PLXNC1: variants seen among roughly 807,000 people sequenced by gnomAD.
PLXNC1 encodes plexin-C1.
A neutral mutation model predicts 178.2 loss-of-function variants in PLXNC1; 75 were observed. That is an observed-to-expected ratio of 0.42 (90% CI 0.35 to 0.51). PLXNC1 has a LOEUF of 0.51. PLXNC1 is among the 20% of genes least tolerant of loss of function. The pLI is 0.02. For missense variants in PLXNC1, 1,503 were observed against 1,984.4 expected, an observed-to-expected ratio of 0.76 and a Z score of 4.61; for synonymous variants, 790 against 779.9, an observed-to-expected ratio of 1.01 and a Z score of -0.22.
intron 2 of PLXNC1, among the ~76,000 whole-genome samples, chr12:94,170,282 C>A (rs1438003862): frequency 6.6e-6 from 1 of 152,148 alleles, no homozygotes; most frequent in Non-Finnish European, 1.5e-5. Context: ...CAGAAAAACG[C>A]TTTCCTCTTC....
intron 20 of PLXNC1, among the ~76,000 whole-genome samples, chr12:94,263,219 C>CG (rs1274813872): frequency 8.6e-5 from 13 of 151,784 alleles, no homozygotes; most frequent in African/African-American, 3.1e-4. Flanking sequence ...CCCCCGGCCC[C>CG]GGGAAGGTAA....
At chr12:94,181,779 A>C (rs927953388) in intron 3 of PLXNC1, among the ~76,000 whole-genome samples, 199 bp downstream of exon 3, 1 of 152,154 alleles carries the variant, frequency 6.6e-6, no homozygotes, top group African/African-American at 2.4e-5. Flanking sequence ...AATATTATCT[A>C]TTTAGACAAT....
Position 94,240,568 on chromosome 12 carries a change from T to G in PLXNC1, c.2204T>G (p.Ile735Ser). The change falls in exon 11 of 31, where the codon ATC becomes AGC. Residue 735 changes from isoleucine to serine, a missense_variant. By Grantham distance (142) the Ile-to-Ser change is moderately radical (BLOSUM62 -2). Coordinates refer to ENST00000258526, the MANE Select transcript of PLXNC1 (RefSeq NM_005761.3). ...SSRKEMKDVC[I>S]QFDGGNCSSV... ...CGGAAAGAAATGAAGGATGTGTGTA[T>G]CCAGTTTGATGGTGGGAACTGCTCT... 6.2e-7 allele frequency: 1 copy of G among 1,613,880 alleles called. No individual in the cohort carries two copies. Among genetic ancestry groups the G allele is most frequent in the Non-Finnish European group, 8.5e-7 (1 of 1,179,734 alleles).
intron 9 of PLXNC1, among the ~76,000 whole-genome samples, chr12:94,229,107 G>T (rs1964023348): frequency 1.3e-5 from 2 of 152,134 alleles, no homozygotes; most frequent in South Asian, 2.1e-4. Flanking sequence ...CCTAATATGG[G>T]TCAGGTGGTA....
At chr12:94,212,081 C>T (rs1337577950) in intron 5 of PLXNC1, among the ~76,000 whole-genome samples, 1 of 151,576 alleles carries the variant, frequency 6.6e-6, no homozygotes, top group Non-Finnish European at 1.5e-5. Flanking sequence ...GAGACCACCC[C>T]GGCTAAAACG....
At chr12:94,177,466 C>A (rs1161485151) in intron 2 of PLXNC1, among the ~76,000 whole-genome samples, 1 of 146,530 alleles carries the variant, frequency 6.8e-6, no homozygotes, top group African/African-American at 2.5e-5. Flanking sequence ...GGCCACAGAA[C>A]TTTTTGATAA....
chr12:94,253,084 G>A (rs1964741752), intron 15 of PLXNC1, among the ~76,000 whole-genome samples: 1 of 151,882 alleles, frequency 6.6e-6, no homozygotes, highest in Admixed American at 6.6e-5. Flanking sequence ...GGTGGCACGT[G>A]CCTGTAATCC....
intron 4 of PLXNC1, among the ~76,000 whole-genome samples, chr12:94,196,334 C>T (rs2627748): frequency 6.6e-6 from 1 of 152,040 alleles, no homozygotes; most frequent in Non-Finnish European, 1.5e-5. Flanking sequence ...CAATAGTGAG[C>T]GAGTTCTCAC....
chr12:94,198,293 A>G (rs1962993308), intron 4 of PLXNC1, among the ~76,000 whole-genome samples: 1 of 152,142 alleles, frequency 6.6e-6, no homozygotes, highest in Admixed American at 6.5e-5. Flanking sequence ...CAGAAAACCA[A>G]ATACCGCATG....
intron 2 of PLXNC1, among the ~76,000 whole-genome samples, chr12:94,170,190 C>T (rs1186809806): frequency 5.9e-5 from 9 of 152,180 alleles, no homozygotes; most frequent in Non-Finnish European, 8.8e-5. Flanking sequence ...ACAGATAACT[C>T]GCTGTGTGAC....
intron 5 of PLXNC1, among the ~76,000 whole-genome samples, chr12:94,219,287 G>T (rs941313778): frequency 6.6e-6 from 1 of 152,148 alleles, no homozygotes; most frequent in African/African-American, 2.4e-5. Flanking sequence ...CAGATAAATG[G>T]AAATTTAATA....
intron 23 of PLXNC1, among the ~76,000 whole-genome samples, chr12:94,291,742 A>C (rs994975693): frequency 6.6e-6 from 1 of 152,092 alleles, no homozygotes; most frequent in Non-Finnish European, 1.5e-5. Flanking sequence ...TGTCTATATA[A>C]ATTTGCCCAT....
intron 2 of PLXNC1, among the ~76,000 whole-genome samples, chr12:94,177,087 A>G (rs202228919): frequency 5.5e-4 from 76 of 137,914 alleles, no homozygotes; most frequent in African/African-American, 1.8e-3. Flanking sequence ...GTATATATAT[A>G]TGTGTATATA....
chr12:94,152,370 T>A (rs919474427), intron 1 of PLXNC1, among the ~76,000 whole-genome samples: 1 of 152,248 alleles, frequency 6.6e-6, no homozygotes, highest in Non-Finnish European at 1.5e-5. Context: ...GTTTGATGCC[T>A]GCTAGTGTAA....
chr12:94,303,820 C>T lies in PLXNC1; in HGVS notation c.4451C>T (p.Ser1484Phe), dbSNP rs780192296. 1.4e-5 allele frequency: 21 copies of T among 1,489,500 alleles called. No homozygotes were observed. The highest frequency in any genetic ancestry group is 1.9e-5 in the Non-Finnish European group (21 of 1,104,144). 92.3% of individuals were successfully genotyped at this position (1,489,500 alleles called of 1,614,324 possible). ...CCAACCTACAAAGAAGAAGTAAAAT[C>T]TTATTACAAAGCAATCAGGGATTTG... ...DIPTYKEEVK[S>F]YYKAIRDLPP... Residue 1484 changes from serine to phenylalanine, a missense_variant, in exon 29 of 31, where the codon TCT (serine) becomes TTT (phenylalanine). Coordinates refer to ENST00000258526, the MANE Select transcript of PLXNC1 (RefSeq NM_005761.3).
At chr12:94,182,896 T>TATCTATCTATC (rs1962374772) in intron 3 of PLXNC1, among the ~76,000 whole-genome samples, 1 of 151,812 alleles carries the variant, frequency 6.6e-6, no homozygotes, top group East Asian at 1.9e-4. Context: ...TCTATCTATC[T>TATCTATCTATC]ATCTATCTAT....
chr12:94,226,868 A>C (rs1467952919), intron 8 of PLXNC1, among the ~76,000 whole-genome samples, 161 bp downstream of exon 8: 2 of 152,150 alleles, frequency 1.3e-5, no homozygotes, highest in Admixed American at 1.3e-4. Context: ...TACTAAAAAT[A>C]CAAAGTTAGT....
intron 1 of PLXNC1, among the ~76,000 whole-genome samples, chr12:94,165,632 C>G (rs3858608): frequency 0.87 from 132,389 of 151,684 alleles, 57,865 homozygotes; most frequent in East Asian, 0.97. Context: ...ACAGTGACTT[C>G]CTTTTGGTTC....
intron 23 of PLXNC1, among the ~76,000 whole-genome samples, chr12:94,289,232 G>C (rs967182299): frequency 2.4e-4 from 37 of 152,268 alleles, no homozygotes; most frequent in Middle Eastern, 3.4e-3. Context: ...TAAAGTTGTT[G>C]ATATGGGTCT....
Sources: allele counts gnomAD v4.1 joint callset (sites outside exome capture counted in the v4.1 genomes callset), GRCh38; gene constraint gnomAD v4.1.1; transcripts MANE v1.5; gene names NCBI Gene and HGNC (gene_info 2026-07-23, HGNC 2026-07-21).